The following FRMD4B variants were observed in gnomAD, a reference collection of about 807,000 sequenced individuals.
FRMD4B encodes the protein FERM domain containing 4B.
In FRMD4B, 74 loss-of-function variants were observed where a neutral mutation model predicts 141.5. The observed-to-expected ratio is 0.52, with a 90% CI of 0.43 to 0.63. The LOEUF is 0.63. FRMD4B is among the 30% of genes least tolerant of loss of function. The pLI, the probability that FRMD4B is intolerant of heterozygous loss-of-function variation, is 0.00. For synonymous variants in FRMD4B, 506 were observed against 467.9 expected (o/e 1.08, Z -1.05); for missense variants, 1,366 against 1,253.4 (o/e 1.09, Z -1.36).
At chr3:69,223,349 A>G (rs1575626823) in intron 8 of FRMD4B, among the ~76,000 whole-genome samples, 2 of 152,002 alleles carry the variant, frequency 1.3e-5, no homozygotes, top group East Asian at 3.9e-4. Flanking sequence ...CACCTTCTCT[A>G]CTGAAGATAC....
intron 1 of FRMD4B, among the ~76,000 whole-genome samples, chr3:69,332,381 T>C (rs2107336634): frequency 6.6e-6 from 1 of 152,282 alleles, no homozygotes; most frequent in East Asian, 1.9e-4. Context: ...CATACCCTCA[T>C]TTTACAGATG....
chr3:69,363,637 C>T (rs1352810555), intron 1 of FRMD4B, among the ~76,000 whole-genome samples: 2 of 151,704 alleles, frequency 1.3e-5, no homozygotes, highest in African/African-American at 4.8e-5. Context: ...GATCCGCCTG[C>T]CTTGGCCTCC....
chr3:69,292,186 T>C (rs1160853405), intron 4 of FRMD4B, among the ~76,000 whole-genome samples: 2 of 152,184 alleles, frequency 1.3e-5, no homozygotes, highest in Non-Finnish European at 2.9e-5. Flanking sequence ...CCCACCAGCC[T>C]GAGGCAATTA....
At chr3:69,350,866 G>A (rs570069887) in intron 1 of FRMD4B, among the ~76,000 whole-genome samples, 4 of 151,570 alleles carry the variant, frequency 2.6e-5, no homozygotes, top group Non-Finnish European at 5.9e-5. Flanking sequence ...AGCATTAGGA[G>A]ATATACCTAA....
At chr3:69,508,970 T>C (rs1438079805) in intron 1 of FRMD4B, among the ~76,000 whole-genome samples, 1 of 152,220 alleles carries the variant, frequency 6.6e-6, no homozygotes, top group African/African-American at 2.4e-5. Context: ...TTTTAAAACC[T>C]TATTCTCTAG....
At chr3:69,200,556 T>A in intron 11 of FRMD4B, 2 of 1,113,658 alleles carry the variant, frequency 1.8e-6, no homozygotes, top group Non-Finnish European at 1.1e-6. Context: ...TTTCACAAAC[T>A]GAGCCTCCCA....
At chr3:69,232,903 T>A (rs1183067258) in intron 7 of FRMD4B, among the ~76,000 whole-genome samples, 1 of 131,834 alleles carries the variant, frequency 7.6e-6, no homozygotes, top group Non-Finnish European at 1.6e-5. Context: ...CAAATTTCAC[T>A]TTTGTTGTTT....
intron 1 of FRMD4B, among the ~76,000 whole-genome samples, chr3:69,379,393 C>T (rs1186730720): frequency 2.0e-5 from 3 of 152,166 alleles, no homozygotes; most frequent in Non-Finnish European, 4.4e-5. Flanking sequence ...TTCCTCCTGC[C>T]TCAACCACCT....
intron 7 of FRMD4B, among the ~76,000 whole-genome samples, chr3:69,242,921 A>T (rs1045591984): frequency 1.3e-5 from 2 of 148,688 alleles, no homozygotes; most frequent in East Asian, 4.0e-4. Context: ...TTGAACCCGG[A>T]TAGCAGAGGG....
intron 20 of FRMD4B, 86 bp from the exon 21 acceptor site, chr3:69,181,796 G>T (rs1473280587): frequency 3.9e-6 from 3 of 760,562 alleles, no homozygotes; most frequent in Admixed American, 5.5e-5. Flanking sequence ...CTGAATGACT[G>T]AATAGCTCGT....
intron 1 of FRMD4B, among the ~76,000 whole-genome samples, chr3:69,440,615 G>A (rs1444347045): frequency 2.0e-5 from 3 of 152,142 alleles, no homozygotes; most frequent in Non-Finnish European, 2.9e-5. Context: ...GATCAGCCTG[G>A]CCAACGTGGG....
intron 1 of FRMD4B, among the ~76,000 whole-genome samples, chr3:69,476,235 T>C (rs1220350357): frequency 1.3e-5 from 2 of 152,040 alleles, no homozygotes; most frequent in Non-Finnish European, 2.9e-5. Context: ...ATTTTGGCTT[T>C]TGTTGCCATT....
At chr3:69,491,129 C>G (rs2107023507) in intron 1 of FRMD4B, among the ~76,000 whole-genome samples, 1 of 152,314 alleles carries the variant, frequency 6.6e-6, no homozygotes, top group Middle Eastern at 3.4e-3. Flanking sequence ...GACTAACTTG[C>G]ACTTCCAATG....
intron 1 of FRMD4B, among the ~76,000 whole-genome samples, chr3:69,375,763 A>C (rs1026182121): frequency 6.6e-6 from 1 of 152,250 alleles, no homozygotes; most frequent in African/African-American, 2.4e-5. Context: ...CTATTATAAT[A>C]AGTACATAAA....
At chr3:69,502,073 G>T (rs2107066486) in intron 1 of FRMD4B, among the ~76,000 whole-genome samples, 1 of 152,238 alleles carries the variant, frequency 6.6e-6, no homozygotes, top group East Asian at 1.9e-4. Context: ...TCATGGGTAG[G>T]AAGAATCAAT....
chr3:69,205,891 T>C (rs1575608247), intron 11 of FRMD4B, among the ~76,000 whole-genome samples: 1 of 152,362 alleles, frequency 6.6e-6, no homozygotes, highest in South Asian at 2.1e-4. Context: ...CTTTCAACTA[T>C]GCCTGTTCAC....
chr3:69,349,126 C>T (rs1364029095), intron 1 of FRMD4B, among the ~76,000 whole-genome samples: 1 of 152,208 alleles, frequency 6.6e-6, no homozygotes. Context: ...TCAGCAAAGT[C>T]TCAGGATACA....
At chr3:69,346,385 G>T (rs979308049) in intron 1 of FRMD4B, among the ~76,000 whole-genome samples, 1 of 152,128 alleles carries the variant, frequency 6.6e-6, no homozygotes, top group Admixed American at 6.5e-5. Flanking sequence ...GGGGAGAATG[G>T]AACCAAGTTG....
intron 1 of FRMD4B, among the ~76,000 whole-genome samples, chr3:69,439,217 G>A (rs1705307073): frequency 6.6e-6 from 1 of 152,180 alleles, no homozygotes; most frequent in Admixed American, 6.5e-5. Flanking sequence ...TCTGTCGTAT[G>A]ACTGAATTAC....
Sources: allele counts gnomAD v4.1 joint callset (sites outside exome capture counted in the v4.1 genomes callset), GRCh38; gene constraint gnomAD v4.1.1; transcripts MANE v1.5; gene names NCBI Gene and HGNC (gene_info 2026-07-23, HGNC 2026-07-21).